Variants in NDUFAF7 observed in about 807,000 individuals in gnomAD.
NDUFAF7 encodes protein arginine methyltransferase NDUFAF7, mitochondrial.
Under a neutral mutation model 47.2 loss-of-function variants are expected in NDUFAF7, and 48 were observed. The ratio of observed to expected loss-of-function variants is 1.02; its 90% CI spans 0.81 to 1.29. The LOEUF (loss-of-function observed/expected upper bound fraction) is 1.29. Among genes scored for constraint, NDUFAF7 ranks in the 50% most tolerant of loss-of-function variants. NDUFAF7 has a pLI of 0.00. For missense variants in NDUFAF7, 635 were observed against 537.6 expected (o/e 1.18, Z -1.79); for synonymous variants, 217 against 190.0 (o/e 1.14, Z -1.17).
At chr2:37,236,653 C>T (rs1201775402) in intron 3 of NDUFAF7, among the ~76,000 whole-genome samples, 8 of 151,592 alleles carry the variant, frequency 5.3e-5, no homozygotes, top group African/African-American at 7.3e-5. Context: ...TGGTGGCGGT[C>T]GCCTGTAGTC....
chr2:37,260,436 A>G, the NDUFAF7 span: 1 of 1,485,928 alleles, frequency 6.7e-7, no homozygotes, highest in African/African-American at 1.4e-5. Flanking sequence ...AAACAGTTTT[A>G]CTAATATCTA....
chr2:37,234,538 A>G (rs569346062), intron 2 of NDUFAF7, among the ~76,000 whole-genome samples: 2 of 152,222 alleles, frequency 1.3e-5, no homozygotes, highest in South Asian at 4.1e-4. Flanking sequence ...CTGGGCTACC[A>G]CAGTGGTTCA....
At chr2:37,263,889 G>T in the NDUFAF7 span, among the ~76,000 whole-genome samples, 2 of 151,800 alleles carry the variant, frequency 1.3e-5, no homozygotes, top group South Asian at 2.1e-4. Flanking sequence ...TATAGCTTTG[G>T]GGTAGCTTCC....
chr2:37,256,799 A>G (rs1176971941), downstream of NDUFAF7: 6 of 1,614,026 alleles, frequency 3.7e-6, no homozygotes, highest in Non-Finnish European at 5.1e-6. Context: ...CACTGACCAC[A>G]TATCTAGGGA....
At chr2:37,253,886 A>G (rs908984637), downstream of NDUFAF7, among the ~76,000 whole-genome samples, 2 of 152,240 alleles carry the variant, frequency 1.3e-5, no homozygotes, top group Admixed American at 6.5e-5. Flanking sequence ...AATCTCTTCA[A>G]TGCAAAAATA....
At chr2:37,270,861 T>C in the NDUFAF7 span, among the ~76,000 whole-genome samples, 6 of 152,224 alleles carry the variant, frequency 3.9e-5, no homozygotes, top group Admixed American at 3.3e-4. Flanking sequence ...TATGTGTATA[T>C]ATATTTGTTA....
chr2:37,259,506 A>T, the NDUFAF7 span: 1 of 1,129,960 alleles, frequency 8.8e-7, no homozygotes, highest in Non-Finnish European at 1.3e-6. Context: ...AACAGTACTT[A>T]GTACACTGCC....
chr2:37,231,868 TC>T, intron 1 of NDUFAF7, 108 bp downstream of exon 1: 1 of 1,583,794 alleles, frequency 6.3e-7, no homozygotes, highest in South Asian at 1.1e-5. Flanking sequence ...GGGGCTCACT[TC>T]CACCTTGAAG....
chr2:37,241,825 T>C, intron 5 of NDUFAF7, 34 bp downstream of exon 5: 1 of 1,582,548 alleles, frequency 6.3e-7, no homozygotes, highest in Non-Finnish European at 8.7e-7. Flanking sequence ...TGAAAGAATT[T>C]TGATCACAAC....
At chr2:37,238,144 A>T (rs1447069587) in intron 4 of NDUFAF7, among the ~76,000 whole-genome samples, 1 of 152,170 alleles carries the variant, frequency 6.6e-6, no homozygotes, top group African/African-American at 2.4e-5. Flanking sequence ...GTTGTTAATT[A>T]TATTAAAAGT....
the NDUFAF7 span, among the ~76,000 whole-genome samples, chr2:37,259,217 C>A: frequency 6.6e-6 from 1 of 152,142 alleles, no homozygotes; most frequent in African/African-American, 2.4e-5. Flanking sequence ...TGGCTGCCTG[C>A]CTCAACCAAA....
downstream of NDUFAF7, chr2:37,251,332 G>GT (rs1667473761): frequency 6.6e-6 from 1 of 152,548 alleles, no homozygotes; most frequent in South Asian, 2.1e-4. Context: ...AGGGCTAAGG[G>GT]TAAGATTAGA....
intron 8 of NDUFAF7, 123 bp from the exon 9 acceptor site, chr2:37,247,333 T>C: frequency 8.4e-7 from 1 of 1,192,948 alleles, no homozygotes; most frequent in Non-Finnish European, 1.2e-6. Flanking sequence ...CCTAGAGAAT[T>C]AATGAGAGCT....
At position 37,231,722 on chromosome 2, in the gene NDUFAF7, G is replaced by A. The variant is rs1416613023; in HGVS notation, c.17G>A (p.Arg6Lys). MSVLL[R>K]SGLGPLCAVA... ...AATTTCAGCATGAGTGTACTGCTGA[G>A]GTCAGGTTTGGGGCCGTTGTGTGCC... Residue 6 changes from arginine (R) to lysine (K), a missense_variant, in exon 1 of 10, where the codon AGG becomes AAG. Coordinates refer to ENST00000002125, the MANE Select transcript of NDUFAF7 (RefSeq NM_144736.5). 1 of 1,614,120 alleles carries A rather than the reference G, an allele frequency of 6.2e-7. No homozygotes were observed. The highest frequency in any genetic ancestry group is 1.3e-5 in the African/African-American group (1 of 74,938).
intron 2 of NDUFAF7, among the ~76,000 whole-genome samples, chr2:37,234,418 A>G (rs1251128042): frequency 6.6e-6 from 1 of 152,088 alleles, no homozygotes; most frequent in Non-Finnish European, 1.5e-5. Context: ...ATACACTAGT[A>G]AAGAAGTGTA....
chr2:37,237,866 G>A lies in NDUFAF7; in HGVS notation c.407G>A (p.Arg136Lys). ...GGAACCCTCGTGGGAGATATTTTGA[G>A]GGTAGGTAATAAAAGAATGTCTTCT... ...GRGTLVGDIL[R>K]VFTQLGSVLK... Residue 136 changes from arginine (R) to lysine (K), a missense_variant and splice_region_variant, in exon 4 of 10, where the codon AGG (arginine) becomes AAG (lysine). Transcript: ENST00000002125. The A allele has an allele frequency of 1.3e-6, 2 of 1,591,340 alleles. No homozygotes were observed. Among genetic ancestry groups the A allele is most frequent in the Non-Finnish European group, 8.6e-7 (1 of 1,159,464 alleles).
chr2:37,236,829 C>T (rs756971099), intron 3 of NDUFAF7, among the ~76,000 whole-genome samples: 1 of 150,470 alleles, frequency 6.6e-6, no homozygotes, highest in African/African-American at 2.4e-5. Context: ...AAAGGAAAGG[C>T]GAGGAAAGAG....
Position 37,235,992 on chromosome 2 carries a change from T to C in NDUFAF7, c.217-104T>C, listed in dbSNP as rs944810874. The C allele has an allele frequency of 3.5e-5, 36 of 1,030,804 alleles. No homozygotes were observed. In the Admixed American group the frequency reaches 5.9e-4, roughly 17 times the overall value. 63.9% of individuals were successfully genotyped at this position (1,030,804 alleles called of 1,614,324 possible). A position where few individuals can be genotyped will look rare whatever the true frequency, so the allele number is the denominator to read the frequency against. ...TATTTAGAGGAGAGAACTTTCTTAC[T>C]AAATAATTATTTCACTTTTACATTA... On this transcript the variant is annotated intron_variant, in intron 2 of 9. Coordinates refer to ENST00000002125, the MANE Select transcript of NDUFAF7 (RefSeq NM_144736.5).
At chr2:37,242,816 G>A in intron 6 of NDUFAF7, 123 bp downstream of exon 6, 2 of 698,578 alleles carry the variant, frequency 2.9e-6, no homozygotes, top group Non-Finnish European at 4.6e-6. Context: ...ACTATTATTT[G>A]GAATTTTGGT....
Sources: gnomAD v4.1 joint callset for allele counts (sites outside exome capture counted in the v4.1 genomes callset) on GRCh38, gnomAD v4.1.1 for gene constraint, MANE v1.5 for transcripts, NCBI Gene and HGNC (gene_info 2026-07-23, HGNC 2026-07-21) for gene names.